The following SUGCT variants were observed in gnomAD, a reference collection of about 807,000 sequenced individuals.
SUGCT encodes succinyl-CoA:glutarate-CoA transferase, also known as succinyl-CoA:glutarate CoA-transferase.
SUGCT carries 41 observed loss-of-function variants against 55.0 expected under a neutral mutation model. That is an observed-to-expected ratio of 0.74 (90% CI 0.58 to 0.97). The LOEUF (loss-of-function observed/expected upper bound fraction) is 0.97, where lower values mean the gene tolerates loss of function less well. Ranked by LOEUF, SUGCT falls within the 50% of genes least tolerant of loss-of-function variation. The pLI, the probability that SUGCT is intolerant of heterozygous loss-of-function variation, is 0.00. For missense variants in SUGCT, 568 were observed against 547.8 expected, an observed-to-expected ratio of 1.04 and a Z score of -0.37; for synonymous variants, 187 against 200.4, an observed-to-expected ratio of 0.93 and a Z score of 0.56.
intron 13 of SUGCT, among the ~76,000 whole-genome samples, chr7:40,849,130 G>GA (rs1377325122): frequency 6.6e-6 from 1 of 151,808 alleles, no homozygotes; most frequent in East Asian, 1.9e-4. Flanking sequence ...GAAGTCCAAA[G>GA]AAAAAATGTT....
At chr7:40,545,694 G>C (rs910411803) in intron 12 of SUGCT, among the ~76,000 whole-genome samples, 1 of 152,220 alleles carries the variant, frequency 6.6e-6, no homozygotes, top group East Asian at 1.9e-4. Flanking sequence ...AGGCTGAAAA[G>C]AGATTTGGTG....
At chr7:40,827,237 A>G (rs1792359942) in intron 13 of SUGCT, among the ~76,000 whole-genome samples, 1 of 152,162 alleles carries the variant, frequency 6.6e-6, no homozygotes, top group African/African-American at 2.4e-5. Flanking sequence ...GAAAACCCAT[A>G]GTGCAAATGG....
At chr7:40,195,708 CTTTTTTTTTTTTT>C (rs928397687) in intron 6 of SUGCT, among the ~76,000 whole-genome samples, 5 of 69,404 alleles carry the variant, frequency 7.2e-5, no homozygotes, top group African/African-American at 1.8e-4. Flanking sequence ...GAAAACAATT[CTTTTTTTTTTTTT>C]TTTTTTTTTT....
intron 12 of SUGCT, among the ~76,000 whole-genome samples, chr7:40,732,523 C>T (rs936280783): frequency 7.9e-5 from 12 of 152,112 alleles, no homozygotes; most frequent in South Asian, 4.1e-4. Context: ...AGGTGGGCAT[C>T]GGACATAGGG....
chr7:40,764,403 T>G (rs1194676926), intron 13 of SUGCT, among the ~76,000 whole-genome samples: 1 of 152,186 alleles, frequency 6.6e-6, no homozygotes, highest in African/African-American at 2.4e-5. Flanking sequence ...TGCTTATGTC[T>G]TTTACATTCA....
intron 11 of SUGCT, among the ~76,000 whole-genome samples, chr7:40,463,891 G>A (rs1789952196): frequency 6.6e-6 from 1 of 152,184 alleles, no homozygotes; most frequent in African/African-American, 2.4e-5. Context: ...TAAAACAGAA[G>A]AGGAGATATA....
intron 7 of SUGCT, among the ~76,000 whole-genome samples, chr7:40,267,311 T>C (rs1292375415): frequency 6.6e-6 from 1 of 152,140 alleles, no homozygotes; most frequent in African/African-American, 2.4e-5. Context: ...AAGAGCTAAA[T>C]ACATTTAAAA....
the SUGCT span, among the ~76,000 whole-genome samples, chr7:40,954,003 G>T: frequency 6.6e-6 from 1 of 152,214 alleles, no homozygotes; most frequent in Non-Finnish European, 1.5e-5. Context: ...ATTTAAGTCT[G>T]CAGAGGTTTC....
rs1053953 is a variant in SUGCT, at chr7:40,860,741, T to A, written c.*262T>A. The A allele has an allele frequency of 0.35, 109,415 of 309,600 alleles. 21,908 individuals carry two copies. Among genetic ancestry groups the A allele is most frequent in the East Asian group, 0.81 (13,483 of 16,674 alleles). 19.2% of individuals were successfully genotyped at this position (309,600 alleles called of 1,614,324 possible). On this transcript the variant is annotated 3_prime_UTR_variant, in exon 14 of 14. Coordinates refer to ENST00000335693, the MANE Select transcript of SUGCT (RefSeq NM_001193313.2). Reference sequence around the variant, plus strand: ...ATTTGTGGGATTTTTAAAAATAAAGTTTTAATTTTTTTCCTGGAAAAATGC... The same window carrying A: ...ATTTGTGGGATTTTTAAAAATAAAGATTTAATTTTTTTCCTGGAAAAATGC...
chr7:40,747,242 C>T (rs1787779726), intron 12 of SUGCT, among the ~76,000 whole-genome samples: 1 of 152,110 alleles, frequency 6.6e-6, no homozygotes, highest in African/African-American at 2.4e-5. Context: ...AAGAGCATCA[C>T]CCGAAAAGTG....
At chr7:40,288,596 G>A (rs1043754483) in intron 8 of SUGCT, among the ~76,000 whole-genome samples, 2 of 151,064 alleles carry the variant, frequency 1.3e-5, no homozygotes, top group Non-Finnish European at 2.9e-5. Flanking sequence ...TTGCTTTTAT[G>A]GCAGAAGGCT....
downstream of SUGCT, among the ~76,000 whole-genome samples, chr7:40,861,155 G>A (rs1794477558): frequency 6.6e-6 from 1 of 152,204 alleles, no homozygotes; most frequent in Non-Finnish European, 1.5e-5. Flanking sequence ...AGTGCATTTA[G>A]AGATGTAGGT....
At chr7:40,182,556 C>T (rs1304809620) in intron 3 of SUGCT, among the ~76,000 whole-genome samples, 11 of 138,710 alleles carry the variant, frequency 7.9e-5, no homozygotes, top group South Asian at 2.3e-4. Flanking sequence ...AGCAAGACTC[C>T]GTTTCAAAAA....
At chr7:40,295,314 G>A (rs1052340346) in intron 8 of SUGCT, among the ~76,000 whole-genome samples, 6 of 152,260 alleles carry the variant, frequency 3.9e-5, no homozygotes, top group South Asian at 2.1e-4. Flanking sequence ...GGTGGCTCAC[G>A]CCTGTAATCA....
the SUGCT span, among the ~76,000 whole-genome samples, chr7:40,945,868 C>A: frequency 8.8e-4 from 134 of 152,234 alleles, no homozygotes; most frequent in Admixed American, 2.0e-3. Flanking sequence ...TGAGCAATAT[C>A]TGCAAGGGTT....
At chr7:40,294,297 A>G (rs772235384) in intron 8 of SUGCT, among the ~76,000 whole-genome samples, 24 of 152,100 alleles carry the variant, frequency 1.6e-4, no homozygotes, top group Non-Finnish European at 3.1e-4. Flanking sequence ...AATGAACACA[A>G]CTGAGGCAAC....
intron 12 of SUGCT, among the ~76,000 whole-genome samples, chr7:40,523,662 CT>C (rs1161389977): frequency 6.6e-6 from 1 of 151,984 alleles, no homozygotes; most frequent in East Asian, 1.9e-4. Context: ...CCTTTTCCAC[CT>C]TCTAAAAACT....
chr7:40,476,971 G>A (rs1331732658), intron 11 of SUGCT, among the ~76,000 whole-genome samples: 3 of 152,120 alleles, frequency 2.0e-5, no homozygotes, highest in South Asian at 2.1e-4. Context: ...GAGCCACTGC[G>A]CCCAGCCAAA....
intron 1 of SUGCT, among the ~76,000 whole-genome samples, chr7:40,155,897 G>A (rs1008601315): frequency 2.1e-5 from 3 of 145,996 alleles, no homozygotes; most frequent in African/African-American, 7.7e-5. Context: ...TCCCTCTGTA[G>A]CCCAGGCTAG....
Sources: allele counts gnomAD v4.1 joint callset (sites outside exome capture counted in the v4.1 genomes callset), GRCh38; gene constraint gnomAD v4.1.1; transcripts MANE v1.5; gene names NCBI Gene and HGNC (gene_info 2026-07-23, HGNC 2026-07-21).